DLGAP2: variants seen among roughly 807,000 people sequenced by gnomAD.
DLGAP2 encodes the protein disks large-associated protein 2.
DLGAP2 carries 26 observed loss-of-function variants against 100.3 expected under a neutral mutation model. That is an observed-to-expected ratio of 0.26 (90% CI 0.19 to 0.36). The LOEUF is 0.36. DLGAP2 is among the 10% of genes least tolerant of loss of function. DLGAP2 has a pLI of 1.00. For missense variants in DLGAP2, 1,858 were observed against 1,453.2 expected, an observed-to-expected ratio of 1.28 and a Z score of -4.53; for synonymous variants, 886 against 630.1, an observed-to-expected ratio of 1.41 and a Z score of -6.08.
chr8:1,199,559 G>A (rs181423930), intron 2 of DLGAP2, among the ~76,000 whole-genome samples: 1 of 152,300 alleles, frequency 6.6e-6, no homozygotes, highest in East Asian at 1.9e-4. Flanking sequence ...AGACTCAGCA[G>A]TTGGCTTCAG....
chr8:879,153 T>C (rs949032169), intron 1 of DLGAP2, among the ~76,000 whole-genome samples: 2 of 152,188 alleles, frequency 1.3e-5, no homozygotes, highest in African/African-American at 2.4e-5. Flanking sequence ...CAAAGGGAGT[T>C]TGTGGATGTG....
rs568417778 is a variant in DLGAP2 at position 1,227,623 on chromosome 8, A to G, written c.74-31228A>G. The stretch of plus-strand genomic sequence containing the variant: ...ATTCTCAAGCATTGCCATCTGTGAC[A>G]ATGCGGATGGACCTGGAGGCCGTTA... On this transcript the variant is annotated intron_variant, in intron 2 of 14. Coordinates refer to ENST00000637795, the MANE Select transcript of DLGAP2 (RefSeq NM_001346810.2). Among the ~76,000 whole-genome samples the G allele has an allele frequency of 6.2e-4, 95 of 152,152 alleles. 1 individual carries two copies. Among genetic ancestry groups the G allele is most frequent in the African/African-American group, 2.3e-3 (95 of 41,500 alleles).
At chr8:1,214,402 C>G (rs1245946021) in intron 2 of DLGAP2, among the ~76,000 whole-genome samples, 3 of 152,326 alleles carry the variant, frequency 2.0e-5, no homozygotes, top group East Asian at 1.9e-4. Context: ...AGAAGGGCAT[C>G]TCGTAGATTG....
intron 1 of DLGAP2, among the ~76,000 whole-genome samples, chr8:778,997 C>G (rs528613559): frequency 6.6e-6 from 1 of 152,204 alleles, no homozygotes; most frequent in Admixed American, 6.5e-5. Flanking sequence ...AGCGAGACTC[C>G]GTGGGGTAGG....
chr8:996,499 C>T (rs909962593), intron 2 of DLGAP2, among the ~76,000 whole-genome samples: 1 of 152,140 alleles, frequency 6.6e-6, no homozygotes, highest in Non-Finnish European at 1.5e-5. Flanking sequence ...GCCGGAGGCT[C>T]AGGTTTGTGC....
chr8:1,435,633 C>G (rs951234574), intron 3 of DLGAP2, among the ~76,000 whole-genome samples: 1 of 151,834 alleles, frequency 6.6e-6, no homozygotes, highest in Non-Finnish European at 1.5e-5. Flanking sequence ...TTAGAGTGCG[C>G]TCCTTCTGCT....
At chr8:1,390,915 C>T (rs1022939170) in intron 3 of DLGAP2, among the ~76,000 whole-genome samples, 1 of 152,326 alleles carries the variant, frequency 6.6e-6, no homozygotes, top group Non-Finnish European at 1.5e-5. Context: ...AGGCAGCAAC[C>T]TCAGAAGCCA....
At chr8:1,253,379 G>T (rs1395359545) in intron 2 of DLGAP2, among the ~76,000 whole-genome samples, 1 of 152,232 alleles carries the variant, frequency 6.6e-6, no homozygotes, top group Non-Finnish European at 1.5e-5. Context: ...GTGTCAGGAG[G>T]GAGGGCGGGT....
At chr8:1,187,140 A>G (rs1797522774) in intron 2 of DLGAP2, among the ~76,000 whole-genome samples, 1 of 152,208 alleles carries the variant, frequency 6.6e-6, no homozygotes, top group African/African-American at 2.4e-5. Flanking sequence ...CACTGGCTAC[A>G]TATTGACTGC....
At chr8:1,630,686 A>G (rs1477492220) in intron 7 of DLGAP2, among the ~76,000 whole-genome samples, 3 of 151,232 alleles carry the variant, frequency 2.0e-5, no homozygotes, top group Non-Finnish European at 4.4e-5. Flanking sequence ...TGGGCGACAG[A>G]GCGAGACTCC....
At chr8:1,614,291 C>T (rs1481660259) in intron 6 of DLGAP2, among the ~76,000 whole-genome samples, 5 of 152,184 alleles carry the variant, frequency 3.3e-5, no homozygotes, top group African/African-American at 4.8e-5. Context: ...AGAGAACAGC[C>T]GTGGGGCCTC....
intron 2 of DLGAP2, among the ~76,000 whole-genome samples, chr8:1,150,935 A>G (rs1796686606): frequency 6.6e-6 from 1 of 152,256 alleles, no homozygotes; most frequent in South Asian, 2.1e-4. Context: ...TGAGATAATC[A>G]TTATTATTTG....
chr8:1,631,315 C>T (rs1315594833), intron 7 of DLGAP2, among the ~76,000 whole-genome samples: 6 of 152,106 alleles, frequency 3.9e-5, no homozygotes, highest in Non-Finnish European at 7.4e-5. Flanking sequence ...GTCGGGCTTA[C>T]AGAAGGGTGT....
At chr8:1,174,682 A>T (rs906650498) in intron 2 of DLGAP2, among the ~76,000 whole-genome samples, 5 of 124,606 alleles carry the variant, frequency 4.0e-5, no homozygotes, top group Non-Finnish European at 8.8e-5. Context: ...CATCACCACC[A>T]TCATCATTAC....
rs758990661 is a variant in DLGAP2, at chr8:1,422,970, G to A, written c.107-78396G>A. On this transcript the variant is annotated intron_variant, in intron 3 of 14. Coordinates refer to ENST00000637795, the MANE Select transcript of DLGAP2 (RefSeq NM_001346810.2). ...GCCCCTTAGCCTGGGGAGGGGATCC[G>A]TGCAGGTGGCCTGGTATATGTGACT... Among the ~76,000 whole-genome samples the A allele has an allele frequency of 2.8e-4, 42 of 152,282 alleles. 2 individuals carry two copies. Among genetic ancestry groups the A allele is most frequent in the Admixed American group, 2.6e-4 (4 of 15,296 alleles).
chr8:904,141 C>A (rs149587782), intron 1 of DLGAP2, among the ~76,000 whole-genome samples: 1 of 152,238 alleles, frequency 6.6e-6, no homozygotes, highest in Admixed American at 6.5e-5. Flanking sequence ...AGGCCACTGG[C>A]CACACGTAGC....
chr8:1,574,344 A>G (rs1456852601), intron 6 of DLGAP2, among the ~76,000 whole-genome samples: 1 of 152,146 alleles, frequency 6.6e-6, no homozygotes, highest in East Asian at 1.9e-4. Flanking sequence ...AACAACAGCC[A>G]TCCCAGCCCT....
At chr8:1,250,108 T>G (rs1181372401) in intron 2 of DLGAP2, among the ~76,000 whole-genome samples, 1 of 152,208 alleles carries the variant, frequency 6.6e-6, no homozygotes, top group African/African-American at 2.4e-5. Flanking sequence ...CTCGATCTCC[T>G]GACCTTGTGA....
chr8:1,151,402 G>C (rs1796694322), intron 2 of DLGAP2, among the ~76,000 whole-genome samples: 1 of 152,226 alleles, frequency 6.6e-6, no homozygotes, highest in Non-Finnish European at 1.5e-5. Flanking sequence ...GTAACACGAT[G>C]CAGAGAAGTC....
Sources: allele counts gnomAD v4.1 joint callset (sites outside exome capture counted in the v4.1 genomes callset), GRCh38; gene constraint gnomAD v4.1.1; transcripts MANE v1.5; gene names NCBI Gene and HGNC (gene_info 2026-07-23, HGNC 2026-07-21).